The following ZMYND11 variants were observed in gnomAD, a reference collection of about 807,000 sequenced individuals.
The protein encoded by ZMYND11 is zinc finger MYND-type containing 11.
A neutral mutation model predicts 84.9 loss-of-function variants in ZMYND11; 9 were observed. The ratio of observed to expected loss-of-function variants is 0.11; its 90% CI spans 0.06 to 0.18. The LOEUF is 0.18. Among genes scored for constraint, ZMYND11 ranks in the 10% least tolerant of loss-of-function variants. The pLI, the probability that ZMYND11 is intolerant of heterozygous loss-of-function variation, is 1.00. For synonymous variants in ZMYND11, 250 were observed against 244.1 expected, an observed-to-expected ratio of 1.02 and a Z score of -0.23; for missense variants, 409 against 761.0, an observed-to-expected ratio of 0.54 and a Z score of 5.44.
intron 2 of ZMYND11, among the ~76,000 whole-genome samples, chr10:197,666 C>A (rs546082549): frequency 6.6e-6 from 1 of 152,112 alleles, no homozygotes; most frequent in African/African-American, 2.4e-5. Context: ...AGTACTAAAA[C>A]CAGAAAGAAA....
chr10:197,941 A>T, intron 2 of ZMYND11: 1 of 651,968 alleles, frequency 1.5e-6, no homozygotes, highest in South Asian at 1.7e-5. Context: ...TCTTGAACCT[A>T]TGGTGATTTT....
chr10:246,171 C>G (rs115320976), intron 10 of ZMYND11, among the ~76,000 whole-genome samples: 457 of 152,300 alleles, frequency 3.0e-3, no homozygotes, highest in African/African-American at 0.011. Context: ...GCTAAGTACA[C>G]TGTGGCTAAA....
chr10:176,472 T>C (rs1393836398), intron 1 of ZMYND11, among the ~76,000 whole-genome samples: 2 of 152,180 alleles, frequency 1.3e-5, no homozygotes, highest in Non-Finnish European at 2.9e-5. Flanking sequence ...CTCTGGGCTC[T>C]TGTTATTTAC....
At chr10:233,486 G>A (rs745798519) in intron 4 of ZMYND11, among the ~76,000 whole-genome samples, 8 of 152,170 alleles carry the variant, frequency 5.3e-5, no homozygotes, top group African/African-American at 9.7e-5. Context: ...TGGTCCTAAC[G>A]TAATAAACAC....
rs1554766274 is a variant in ZMYND11 at position 173,720 on chromosome 10, A to T, written c.-19-6274A>T. Among the ~76,000 whole-genome samples the T allele has an allele frequency of 3.4e-5, 5 of 148,782 alleles. No homozygotes were observed. In the East Asian group the frequency reaches 7.7e-4, roughly 23 times the overall value. On this transcript the variant is annotated intron_variant, in intron 1 of 14. Transcript: ENST00000381604. ...AGTGAGACCCTGTTTCAAAAATACT[A>T]AAAAAAAAATTTTTTTAAGGGCAAA...
chr10:184,410 T>C (rs1792304122), intron 2 of ZMYND11, among the ~76,000 whole-genome samples: 1 of 152,200 alleles, frequency 6.6e-6, no homozygotes, highest in Non-Finnish European at 1.5e-5. Flanking sequence ...TTTTTCTTTT[T>C]GATTTTTAGT....
At chr10:138,548 C>T (rs1836708079) in intron 1 of ZMYND11, among the ~76,000 whole-genome samples, 1 of 152,140 alleles carries the variant, frequency 6.6e-6, no homozygotes, top group Non-Finnish European at 1.5e-5. Context: ...TAGAGGCATT[C>T]ATACTCTTTG....
intron 4 of ZMYND11, among the ~76,000 whole-genome samples, chr10:232,488 A>T (rs899456640): frequency 6.6e-6 from 1 of 152,214 alleles, no homozygotes; most frequent in African/African-American, 2.4e-5. Flanking sequence ...TTCTGTCGAG[A>T]GTCCTCTTTT....
intron 2 of ZMYND11, among the ~76,000 whole-genome samples, chr10:196,770 C>T (rs1036758197): frequency 6.6e-6 from 1 of 152,098 alleles, no homozygotes; most frequent in Non-Finnish European, 1.5e-5. Context: ...CATTGTAAGA[C>T]ATTGATTAAT....
intron 10 of ZMYND11, among the ~76,000 whole-genome samples, chr10:244,213 TTTAA>T (rs1352403149): frequency 1.3e-5 from 2 of 152,212 alleles, no homozygotes; most frequent in Non-Finnish European, 1.5e-5. Flanking sequence ...ATCATGAATT[TTTAA>T]TTATTTAAGC....
At chr10:183,056 A>T (rs541858194) in intron 2 of ZMYND11, among the ~76,000 whole-genome samples, 2 of 152,234 alleles carry the variant, frequency 1.3e-5, no homozygotes, top group Non-Finnish European at 2.9e-5. Flanking sequence ...TGACGCCATT[A>T]TAAAAAAAGC....
upstream of ZMYND11, chr10:134,885 T>G (rs1835512655): frequency 6.6e-6 from 1 of 151,178 alleles, no homozygotes; most frequent in South Asian, 2.1e-4. Flanking sequence ...AGACAGGACG[T>G]GGGGAAGGTA....
chr10:217,407 C>G (rs911323218), intron 3 of ZMYND11, among the ~76,000 whole-genome samples: 3 of 151,740 alleles, frequency 2.0e-5, no homozygotes, highest in Non-Finnish European at 2.9e-5. Context: ...CCTGTAATTC[C>G]AGCTACTTGG....
chr10:242,321 C>T (rs140229906), intron 10 of ZMYND11, among the ~76,000 whole-genome samples, 182 bp downstream of exon 10: 1 of 151,924 alleles, frequency 6.6e-6, no homozygotes, highest in Non-Finnish European at 1.5e-5. Flanking sequence ...ATATTGTGTA[C>T]TAAACAGGAA....
chr10:203,503 G>A (rs562016833), intron 2 of ZMYND11, among the ~76,000 whole-genome samples: 1 of 152,164 alleles, frequency 6.6e-6, no homozygotes, highest in Non-Finnish European at 1.5e-5. Context: ...TTCTTAACTT[G>A]GTTATGGAGA....
chr10:218,603 T>C (rs1029772959), intron 3 of ZMYND11: 9 of 221,636 alleles, frequency 4.1e-5, no homozygotes, highest in Middle Eastern at 4.9e-4. Flanking sequence ...CTTGCTAGAT[T>C]TGTTTGTTAA....
At chr10:190,512 C>T (rs2448370) in intron 2 of ZMYND11, among the ~76,000 whole-genome samples, 14,933 of 152,220 alleles carry the variant, frequency 0.098, 899 homozygotes, top group African/African-American at 0.17. Flanking sequence ...TTGGTGTTAT[C>T]TCCTGACACC....
chr10:248,829 A>G, intron 13 of ZMYND11, 74 bp from the exon 14 acceptor site: 1 of 1,515,222 alleles, frequency 6.6e-7, no homozygotes, highest in Non-Finnish European at 8.9e-7. Context: ...AAGTTGTGTT[A>G]AGTTTCTGTT....
intron 4 of ZMYND11, 40 bp from the exon 5 acceptor site, chr10:236,798 T>C: frequency 6.5e-7 from 1 of 1,531,230 alleles, no homozygotes; most frequent in Non-Finnish European, 9.0e-7. Flanking sequence ...ATAAGAATGA[T>C]CAGATTTTGT....
Sources: allele counts gnomAD v4.1 joint callset (sites outside exome capture counted in the v4.1 genomes callset), GRCh38; gene constraint gnomAD v4.1.1; transcripts MANE v1.5; gene names NCBI Gene and HGNC (gene_info 2026-07-23, HGNC 2026-07-21).